SNUPN: variants seen among roughly 807,000 people sequenced by gnomAD.
SNUPN encodes snurportin 1.
A neutral mutation model predicts 39.2 loss-of-function variants in SNUPN; 31 were observed. That is an observed-to-expected ratio of 0.79 (90% CI 0.59 to 1.07). SNUPN has a LOEUF of 1.07. Ranked by LOEUF, SNUPN falls within the 50% of genes least tolerant of loss-of-function variation. The pLI, the probability that SNUPN is intolerant of heterozygous loss-of-function variation, is 0.00. For synonymous variants in SNUPN, 132 were observed against 159.0 expected (o/e 0.83, Z 1.28); for missense variants, 382 against 434.2 (o/e 0.88, Z 1.07).
chr15:75,604,802 T>C (rs2075318867), intron 7 of SNUPN, among the ~76,000 whole-genome samples: 1 of 152,054 alleles, frequency 6.6e-6, no homozygotes, highest in Admixed American at 6.5e-5. Context: ...TAAGTTCTTT[T>C]GTGGTGATTT....
intron 2 of SNUPN, among the ~76,000 whole-genome samples, chr15:75,617,950 A>C (rs1292095685): frequency 6.6e-6 from 1 of 152,146 alleles, no homozygotes; most frequent in Non-Finnish European, 1.5e-5. Flanking sequence ...AAAGCTCCAA[A>C]TTTGGGAGCA....
chr15:75,601,738 C>A (rs534512318), intron 7 of SNUPN, among the ~76,000 whole-genome samples: 1 of 151,542 alleles, frequency 6.6e-6, no homozygotes, highest in South Asian at 2.1e-4. Context: ...AGAGCCAGAC[C>A]CTGTCTCAAA....
chr15:75,606,597 C>T (rs1176428145), intron 6 of SNUPN, among the ~76,000 whole-genome samples: 1 of 152,182 alleles, frequency 6.6e-6, no homozygotes, highest in African/African-American at 2.4e-5. Flanking sequence ...CACCTGATGA[C>T]TGCTGCTGTT....
At chr15:75,610,711 G>A (rs1174216074) in intron 3 of SNUPN, among the ~76,000 whole-genome samples, 1 of 152,182 alleles carries the variant, frequency 6.6e-6, no homozygotes, top group East Asian at 1.9e-4. Context: ...TCTTAGACTA[G>A]ACCAGCATTT....
At chr15:75,609,736 G>A (rs115512750) in intron 4 of SNUPN, 85 bp from the exon 5 acceptor site, 19 of 1,189,782 alleles carry the variant, frequency 1.6e-5, no homozygotes, top group South Asian at 6.8e-5. Flanking sequence ...AATGTTACTC[G>A]ACCAAAGATG....
At chr15:75,619,648 T>TA in intron 2 of SNUPN, among the ~76,000 whole-genome samples, 1 of 152,046 alleles carries the variant, frequency 6.6e-6, no homozygotes, top group South Asian at 2.1e-4. Context: ...AATATATATA[T>TA]ATTTGGAAGG....
At chr15:75,599,860 G>C (rs1331843208) in intron 8 of SNUPN, among the ~76,000 whole-genome samples, 4 of 141,958 alleles carry the variant, frequency 2.8e-5, no homozygotes, top group African/African-American at 1.0e-4. Flanking sequence ...TTTTCTTTCT[G>C]AGATGGAGTT....
chr15:75,620,246 G>A (rs1393581089), intron 2 of SNUPN, among the ~76,000 whole-genome samples: 1 of 152,162 alleles, frequency 6.6e-6, no homozygotes, highest in South Asian at 2.1e-4. Context: ...CTATGCAGCT[G>A]TTAGTAGTTT....
intron 5 of SNUPN, among the ~76,000 whole-genome samples, chr15:75,609,206 G>A (rs1388999827): frequency 1.7e-4 from 19 of 113,368 alleles, no homozygotes; most frequent in African/African-American, 5.3e-4. Context: ...TTTTTGAGAC[G>A]GAGTCTCGCT....
intron 3 of SNUPN, among the ~76,000 whole-genome samples, chr15:75,611,493 C>T (rs1421619333): frequency 6.6e-6 from 1 of 151,532 alleles, no homozygotes; most frequent in Non-Finnish European, 1.5e-5. Flanking sequence ...ACCTCGTGAT[C>T]CGCCCGCCTC....
Position 75,625,451 on chromosome 15 carries a change from CGCCCCT to C in SNUPN, c.-6+209_-6+214del, listed in dbSNP as rs1312220337. On this transcript the variant is annotated intron_variant, in intron 1 of 8. Coordinates refer to ENST00000308588, the MANE Select transcript of SNUPN (RefSeq NM_005701.4). ...GGGGTCATCTAGGCCATGCATGATT[CGCCCCT>C]GCCCCACAGAAGTCCCTGAGGGGTC... 8 of 152,042 alleles carry C rather than the reference CGCCCCT, an allele frequency of 5.3e-5. No individual in the cohort carries two copies. In the East Asian group the frequency reaches 1.5e-3, roughly 29 times the overall value. The allele number at this position is 152,042 out of a possible 1,614,324, so 9.4% of individuals were successfully genotyped here. A position where few individuals can be genotyped will look rare whatever the true frequency, so the allele number is the denominator to read the frequency against.
At chr15:75,615,029 C>T (rs1183173598) in intron 3 of SNUPN, among the ~76,000 whole-genome samples, 1 of 152,202 alleles carries the variant, frequency 6.6e-6, no homozygotes, top group African/African-American at 2.4e-5. Context: ...CATCCTTTCC[C>T]ACTTCTTATA....
At chr15:75,611,339 G>A (rs1455759607) in intron 3 of SNUPN, among the ~76,000 whole-genome samples, 12 of 149,484 alleles carry the variant, frequency 8.0e-5, no homozygotes, top group African/African-American at 2.9e-4. Flanking sequence ...TGCAAGCTGC[G>A]CCTCCCGGGT....
intron 1 of SNUPN, among the ~76,000 whole-genome samples, chr15:75,622,980 GA>G (rs998265215): frequency 6.6e-6 from 1 of 150,712 alleles, no homozygotes; most frequent in Non-Finnish European, 1.5e-5. Context: ...TCTGTAAAAA[GA>G]AAAAAAAATT....
At chr15:75,622,367 G>A (rs1042359508) in intron 1 of SNUPN, 1 of 985,396 alleles carries the variant, frequency 1.0e-6, no homozygotes, top group Non-Finnish European at 1.2e-6. Context: ...GATGTGGAAG[G>A]CTGCTTAACA....
At chr15:75,609,534 T>C (rs572321772) in intron 5 of SNUPN, 24 bp downstream of exon 5, 2 of 1,579,236 alleles carry the variant, frequency 1.3e-6, no homozygotes, top group African/African-American at 1.3e-5. Flanking sequence ...TACTGATCAA[T>C]AAGTAGACAC....
chr15:75,608,057 G>C (rs796184687), intron 5 of SNUPN, among the ~76,000 whole-genome samples: 3 of 152,278 alleles, frequency 2.0e-5, no homozygotes, highest in African/African-American at 7.2e-5. Flanking sequence ...GACAAAGCCT[G>C]CATGTGAAAG....
chr15:75,599,580 G>A (rs1417211144), intron 8 of SNUPN, among the ~76,000 whole-genome samples: 1 of 152,172 alleles, frequency 6.6e-6, no homozygotes, highest in Non-Finnish European at 1.5e-5. Flanking sequence ...CCATGTTCTG[G>A]GAAACAGTTT....
chr15:75,621,730 A>T (rs538808683), intron 1 of SNUPN, among the ~76,000 whole-genome samples: 1 of 152,288 alleles, frequency 6.6e-6, no homozygotes, highest in East Asian at 1.9e-4. Context: ...CTGGAGGAAG[A>T]CAAAAGCAAT....
Sources: allele counts gnomAD v4.1 joint callset (sites outside exome capture counted in the v4.1 genomes callset), GRCh38; gene constraint gnomAD v4.1.1; transcripts MANE v1.5; gene names NCBI Gene and HGNC (gene_info 2026-07-23, HGNC 2026-07-21).